PRDM16: variants seen among roughly 807,000 people sequenced by gnomAD.
The protein encoded by PRDM16 is histone-lysine N-methyltransferase PRDM16.
In PRDM16, 23 loss-of-function variants were observed where a neutral mutation model predicts 110.6. The ratio of observed to expected loss-of-function variants is 0.21; its 90% CI spans 0.15 to 0.29. The LOEUF is 0.29. Ranked by LOEUF, PRDM16 falls within the 10% of genes least tolerant of loss-of-function variation. PRDM16 has a pLI of 1.00. For synonymous variants in PRDM16, 799 were observed against 781.8 expected (o/e 1.02, Z -0.37); for missense variants, 1,615 against 1,794.3 (o/e 0.90, Z 1.81).
In PRDM16 at chr1:3,213,739, C is replaced by T. The variant is rs1028240841; in HGVS notation, c.387+27265C>T. ...GTTCTGCTCTCCCCAGGCAAGGAAG[C>T]GGGGTTTCCGGGACACCACGTCCAC... On this transcript the variant is annotated intron_variant, in intron 2 of 16. Transcript: ENST00000270722. The surrounding 1 kb of genome is among the most constrained non-coding windows in gnomAD (Gnocchi z 5.3). 2.8e-4 allele frequency among the ~76,000 whole-genome samples: 42 copies of T among 152,082 alleles called. No individual in the cohort carries two copies. Among genetic ancestry groups the T allele is most frequent in the Admixed American group, 2.7e-3 (41 of 15,278 alleles).
chr1:3,184,878 G>A (rs531703210), intron 1 of PRDM16, among the ~76,000 whole-genome samples: 92 of 152,274 alleles, frequency 6.0e-4, no homozygotes, highest in African/African-American at 2.1e-3. Context: ...TGCCAGGGCC[G>A]CCCTCCTCCT....
chr1:3,411,861 C>T lies in PRDM16; in HGVS notation c.1664C>T (p.Ala555Val). ...CTCCCCAGTCCCCTGGGGAACCCAG[C>T]CCTGCCCCTGGTCTCCGCCGTCAGC... ...AKLPSPLGNP[A>V]LPLVSAVSNS... The change falls in exon 9 of 17, where the codon GCC becomes GTC. Residue 555 changes from alanine (A) to valine (V), a missense_variant. Coordinates refer to ENST00000270722, the MANE Select transcript of PRDM16 (RefSeq NM_022114.4). 2 of 1,611,792 alleles carry T rather than the reference C, an allele frequency of 1.2e-6. No homozygotes were observed. The highest frequency in any genetic ancestry group is 1.7e-4 in the Middle Eastern group (1 of 6,046).
At chr1:3,088,416 C>T (rs965148497) in intron 1 of PRDM16, among the ~76,000 whole-genome samples, 9 of 151,970 alleles carry the variant, frequency 5.9e-5, no homozygotes, top group Admixed American at 1.3e-4. Flanking sequence ...GGCTTTCCCC[C>T]GAATACTCTT....
chr1:3,140,146 G>A (rs780899029), intron 1 of PRDM16, among the ~76,000 whole-genome samples: 2 of 152,224 alleles, frequency 1.3e-5, no homozygotes, highest in Non-Finnish European at 2.9e-5. Context: ...ATCCAACATC[G>A]GCAGCACCCG....
At chr1:3,311,759 C>T (rs184897513) in intron 3 of PRDM16, among the ~76,000 whole-genome samples, 2 of 152,196 alleles carry the variant, frequency 1.3e-5, no homozygotes, top group African/African-American at 4.8e-5. Context: ...CATCTGCCTC[C>T]TTCCCCAAGG....
intron 3 of PRDM16, among the ~76,000 whole-genome samples, chr1:3,324,571 C>A (rs1108600): frequency 6.6e-6 from 1 of 152,006 alleles, no homozygotes; most frequent in Non-Finnish European, 1.5e-5. Context: ...TGACAACATC[C>A]GAACAGCCGA....
At chr1:3,176,264 G>GTCCATCCATCCATCCA (rs1224462324) in intron 1 of PRDM16, among the ~76,000 whole-genome samples, 7 of 147,628 alleles carry the variant, frequency 4.7e-5, no homozygotes, top group South Asian at 2.2e-4. Flanking sequence ...TCCACCATCT[G>GTCCATCCATCCATCCA]TCCATCCATC....
chr1:3,216,145 G>A (rs1400801727), intron 2 of PRDM16, among the ~76,000 whole-genome samples: 2 of 152,058 alleles, frequency 1.3e-5, no homozygotes, highest in Admixed American at 1.3e-4. Context: ...GCTGGCCGTG[G>A]CCCCCTGACA....
intron 3 of PRDM16, among the ~76,000 whole-genome samples, chr1:3,279,201 C>T (rs371515918): frequency 1.1e-4 from 16 of 152,236 alleles, no homozygotes; most frequent in Admixed American, 3.3e-4. Flanking sequence ...GAAAGACCGG[C>T]GGCCTCTCCT....
intron 3 of PRDM16, among the ~76,000 whole-genome samples, chr1:3,312,563 G>C (rs781453541): frequency 6.6e-6 from 1 of 152,240 alleles, no homozygotes; most frequent in Non-Finnish European, 1.5e-5. Flanking sequence ...ATCCGGGGCC[G>C]GCAGGTGGGG....
intron 2 of PRDM16, among the ~76,000 whole-genome samples, chr1:3,216,256 T>C: frequency 6.6e-6 from 1 of 150,910 alleles, no homozygotes; most frequent in South Asian, 2.1e-4. Context: ...GCCCCCGAGA[T>C]GCTGAACCAG....
chr1:3,253,606 C>CAA (rs1639988253), intron 3 of PRDM16, among the ~76,000 whole-genome samples: 1 of 151,566 alleles, frequency 6.6e-6, no homozygotes, highest in Non-Finnish European at 1.5e-5. Context: ...TCCAGTCTAT[C>CAA]ATTGTTGGAC....
intron 14 of PRDM16, among the ~76,000 whole-genome samples, chr1:3,428,540 C>T (rs1267976813): frequency 2.0e-5 from 3 of 152,184 alleles, no homozygotes; most frequent in Admixed American, 6.5e-5. Context: ...GCAAGGTCCC[C>T]GGGTCCAGCT....
intron 2 of PRDM16, among the ~76,000 whole-genome samples, chr1:3,217,722 T>G (rs192398899): frequency 6.6e-6 from 1 of 152,302 alleles, no homozygotes; most frequent in Admixed American, 6.5e-5. Context: ...CGGTAGATCT[T>G]TTTTTTCAAC....
chr1:3,425,291 G>T lies in PRDM16; in HGVS notation c.2940-290G>T, dbSNP rs1263650661. 1.9e-5 allele frequency: 5 copies of T among 258,290 alleles called. No individual in the cohort carries two copies. Among genetic ancestry groups the T allele is most frequent in the African/African-American group, 8.9e-5 (4 of 45,040 alleles). 16.0% of individuals were successfully genotyped at this position (258,290 alleles called of 1,614,324 possible). A position where few individuals can be genotyped will look rare whatever the true frequency, so the allele number is the denominator to read the frequency against. ...GACGGGGTTTCACCATGTCAGCCAG[G>T]ATGGTCTCGATCTCCTGACCTCGTG... is the stretch of plus-strand genomic sequence containing the variant. On this transcript the variant is annotated intron_variant, in intron 12 of 16. Transcript: ENST00000270722. This position sits in a 1 kb window ranked among gnomAD's most constrained non-coding sequence, Gnocchi z 6.9.
intron 3 of PRDM16, among the ~76,000 whole-genome samples, chr1:3,367,868 G>A (rs1055732811): frequency 1.3e-5 from 2 of 152,048 alleles, no homozygotes; most frequent in Non-Finnish European, 2.9e-5. Flanking sequence ...TTCAAAAGAA[G>A]GCATTTGAGG....
At position 3,220,210 on chromosome 1, in the gene PRDM16, A is replaced by G. The variant is rs113300922; in HGVS notation, c.388-23877A>G. ...CACTCCGTCTGCGGCACCTTCCTCC[A>G]CACATCTCTGTGGCCCCACAGCACG... is the stretch of plus-strand genomic sequence containing the variant. On this transcript the variant is annotated intron_variant, in intron 2 of 16. Coordinates refer to ENST00000270722, the MANE Select transcript of PRDM16 (RefSeq NM_022114.4). Among the ~76,000 whole-genome samples, 739 of 151,844 alleles carry G rather than the reference A, an allele frequency of 4.9e-3. 3 individuals carry two copies. The highest frequency in any genetic ancestry group is 0.019 in the South Asian group (92 of 4,768).
Position 3,161,693 on chromosome 1 carries a change from C to G in PRDM16, c.38-24432C>G, listed in dbSNP as rs78955407. Among the ~76,000 whole-genome samples, 884 of 152,328 alleles carry G rather than the reference C, an allele frequency of 5.8e-3. 6 individuals carry two copies. The highest frequency in any genetic ancestry group is 0.02 in the African/African-American group (830 of 41,576). On this transcript the variant is annotated intron_variant, in intron 1 of 16. Coordinates refer to ENST00000270722, the MANE Select transcript of PRDM16 (RefSeq NM_022114.4). ...AGAGAGGGCTCCAGCCCCAGCAGGC[C>G]CGGCCGCGGGAGCCTCGAGATTCTT...
chr1:3,350,830 G>A lies in PRDM16; in HGVS notation c.439-34322G>A, dbSNP rs1642467014. Among the ~76,000 whole-genome samples the A allele has an allele frequency of 1.3e-5, 2 of 152,154 alleles. No homozygotes were observed. The highest frequency in any genetic ancestry group is 1.3e-4 in the Admixed American group (2 of 15,282). On this transcript the variant is annotated intron_variant, in intron 3 of 16. Transcript: ENST00000270722. The surrounding 1 kb of genome is among the most constrained non-coding windows in gnomAD (Gnocchi z 7.1). Reference sequence around the variant, plus strand: ...TCAAACTCTTTTTTGAGGCCAGGTGGGTGGGGCCCAGCCAGCGCCAGGCAC... The same window carrying A: ...TCAAACTCTTTTTTGAGGCCAGGTGAGTGGGGCCCAGCCAGCGCCAGGCAC...
Sources: allele counts gnomAD v4.1 joint callset (sites outside exome capture counted in the v4.1 genomes callset), GRCh38; gene constraint gnomAD v4.1.1; non-coding constraint Gnocchi (gnomAD v3.1); transcripts MANE v1.5; gene names NCBI Gene and HGNC (gene_info 2026-07-23, HGNC 2026-07-21).